Variants in ARB2A observed in about 807,000 individuals in gnomAD.
ARB2A encodes the protein ARB2 cotranscriptional regulator A.
chr5:94,006,076 G>A, the ARB2A span, among the ~76,000 whole-genome samples: 2 of 152,126 alleles, frequency 1.3e-5, no homozygotes, highest in East Asian at 1.9e-4. Flanking sequence ...AAAATAACCT[G>A]TACATAAACA....
chr5:93,886,308 G>C, the ARB2A span, among the ~76,000 whole-genome samples: 8 of 151,788 alleles, frequency 5.3e-5, no homozygotes, highest in East Asian at 1.6e-3. Context: ...TCAGGGGTTA[G>C]AGTGGAATCC....
the ARB2A span, among the ~76,000 whole-genome samples, chr5:93,658,318 T>C: frequency 3.3e-5 from 5 of 152,150 alleles, no homozygotes; most frequent in Non-Finnish European, 7.4e-5. Flanking sequence ...TCTTTGGTCA[T>C]AGTAAAGTTA....
At chr5:94,084,955 G>A in the ARB2A span, among the ~76,000 whole-genome samples, 1 of 152,122 alleles carries the variant, frequency 6.6e-6, no homozygotes, top group African/African-American at 2.4e-5. Flanking sequence ...TGATGTTGGG[G>A]CAAGGAATAC....
the ARB2A span, among the ~76,000 whole-genome samples, chr5:93,909,356 T>C: frequency 2.3e-4 from 35 of 151,130 alleles, 1 homozygote; most frequent in East Asian, 1.9e-3. Context: ...AATTGAGATG[T>C]ATGATTAACT....
At chr5:93,870,363 C>T in the ARB2A span, among the ~76,000 whole-genome samples, 5 of 152,302 alleles carry the variant, frequency 3.3e-5, no homozygotes, top group South Asian at 4.1e-4. Context: ...TTTACATCGC[C>T]GCTCATATTG....
chr5:93,640,017 A>G, the ARB2A span, among the ~76,000 whole-genome samples: 2 of 143,178 alleles, frequency 1.4e-5, no homozygotes, highest in African/African-American at 5.3e-5. Flanking sequence ...AGATCGTGTC[A>G]CTGCACTCCA....
the ARB2A span, chr5:93,863,445 A>G: frequency 4.0e-5 from 6 of 151,426 alleles, no homozygotes; most frequent in African/African-American, 1.2e-4. Flanking sequence ...ATATTTATAT[A>G]TATTTAGAGA....
the ARB2A span, among the ~76,000 whole-genome samples, chr5:93,855,070 C>T: frequency 1.3e-5 from 2 of 151,980 alleles, no homozygotes; most frequent in Non-Finnish European, 2.9e-5. Flanking sequence ...TTAAAGTCTC[C>T]CATTATTATT....
the ARB2A span, among the ~76,000 whole-genome samples, chr5:94,013,914 C>T: frequency 6.6e-6 from 1 of 152,182 alleles, no homozygotes; most frequent in Non-Finnish European, 1.5e-5. Context: ...TCCCCACATA[C>T]TGCCCTGCAC....
the ARB2A span, among the ~76,000 whole-genome samples, chr5:93,948,582 C>A: frequency 1.3e-5 from 2 of 151,966 alleles, no homozygotes; most frequent in African/African-American, 4.8e-5. Context: ...GAAGTCCTTG[C>A]CCATGCCTAT....
the ARB2A span, among the ~76,000 whole-genome samples, chr5:94,045,670 T>C: frequency 6.6e-6 from 1 of 152,204 alleles, no homozygotes; most frequent in East Asian, 1.9e-4. Context: ...TATCTATTTG[T>C]ATCACACTAT....
chr5:94,066,231 C>T, the ARB2A span, among the ~76,000 whole-genome samples: 5 of 151,714 alleles, frequency 3.3e-5, no homozygotes, highest in South Asian at 2.1e-4. Flanking sequence ...TAAATGACTA[C>T]ATCAAAAAAG....
the ARB2A span, among the ~76,000 whole-genome samples, chr5:94,053,996 C>T: frequency 1.3e-5 from 2 of 152,024 alleles, no homozygotes; most frequent in East Asian, 1.9e-4. Context: ...CTCAAACTCC[C>T]GAACTCAAGT....
At chr5:93,911,405 T>C in the ARB2A span, among the ~76,000 whole-genome samples, 1 of 151,626 alleles carries the variant, frequency 6.6e-6, no homozygotes, top group Non-Finnish European at 1.5e-5. Flanking sequence ...TCTTGAGATA[T>C]TCACATATGT....
At chr5:93,786,373 G>A in the ARB2A span, among the ~76,000 whole-genome samples, 2 of 152,258 alleles carry the variant, frequency 1.3e-5, no homozygotes, top group Non-Finnish European at 2.9e-5. Flanking sequence ...TCTGGCTGAC[G>A]TTTCATACAG....
At chr5:94,060,767 ATAT>A in the ARB2A span, among the ~76,000 whole-genome samples, 1 of 152,212 alleles carries the variant, frequency 6.6e-6, no homozygotes, top group Admixed American at 6.5e-5. Flanking sequence ...CTTCAACAAA[ATAT>A]TAATTCAAAA....
At chr5:93,934,992 C>T in the ARB2A span, among the ~76,000 whole-genome samples, 16 of 152,170 alleles carry the variant, frequency 1.1e-4, no homozygotes, top group East Asian at 1.9e-3. Context: ...AACCAAACAA[C>T]GTATGTTCTC....
At chr5:94,007,349 G>C in the ARB2A span, among the ~76,000 whole-genome samples, 1 of 152,138 alleles carries the variant, frequency 6.6e-6, no homozygotes, top group Non-Finnish European at 1.5e-5. Context: ...TTGTGCCACA[G>C]AGAAATAATA....
At chr5:93,665,207 T>C in the ARB2A span, among the ~76,000 whole-genome samples, 2 of 152,220 alleles carry the variant, frequency 1.3e-5, no homozygotes, top group Non-Finnish European at 2.9e-5. Context: ...CCTAGAGAAT[T>C]GACATGATGT....
Sources: gnomAD v4.1 joint callset for allele counts (sites outside exome capture counted in the v4.1 genomes callset) on GRCh38, gnomAD v4.1.1 for gene constraint, MANE v1.5 for transcripts, NCBI Gene and HGNC (gene_info 2026-07-23, HGNC 2026-07-21) for gene names.